The following TNFAIP8 variants were observed in gnomAD, a reference collection of about 807,000 sequenced individuals.
TNFAIP8 encodes the protein TNF alpha induced protein 8.
In TNFAIP8, 7 loss-of-function variants were observed where a neutral mutation model predicts 13.3. The observed-to-expected ratio is 0.52, with a 90% confidence interval of 0.30 to 0.99. The LOEUF is 0.99. TNFAIP8 is among the 50% of genes least tolerant of loss of function. TNFAIP8 has a pLI of 0.07. For synonymous variants in TNFAIP8, 94 were observed against 87.6 expected, an observed-to-expected ratio of 1.07 and a Z score of -0.41; for missense variants, 258 against 236.9, an observed-to-expected ratio of 1.09 and a Z score of -0.58.
At chr5:119,292,675 T>TAC (rs1749029407) in intron 1 of TNFAIP8, among the ~76,000 whole-genome samples, 1 of 36,096 alleles carries the variant, frequency 2.8e-5, no homozygotes, top group African/African-American at 7.7e-5. Context: ...TATATATATA[T>TAC]ATATATATAT....
chr5:119,317,671 T>A (rs1749939481), intron 1 of TNFAIP8, among the ~76,000 whole-genome samples: 1 of 151,830 alleles, frequency 6.6e-6, no homozygotes, highest in Non-Finnish European at 1.5e-5. Context: ...CGATTTCGGC[T>A]CACTGCAACC....
chr5:119,322,972 A>G (rs1313267262), intron 1 of TNFAIP8, among the ~76,000 whole-genome samples: 1 of 152,152 alleles, frequency 6.6e-6, no homozygotes, highest in African/African-American at 2.4e-5. Context: ...TTAGTCAATG[A>G]CCCAGGTAAC....
intron 1 of TNFAIP8, among the ~76,000 whole-genome samples, chr5:119,323,601 C>G (rs60756572): frequency 0.18 from 27,740 of 152,110 alleles, 4,784 homozygotes; most frequent in African/African-American, 0.46. Context: ...TTATAGTGCT[C>G]TGTATGTTTC....
intron 1 of TNFAIP8, among the ~76,000 whole-genome samples, chr5:119,364,089 C>T (rs750319752): frequency 6.6e-6 from 1 of 152,162 alleles, no homozygotes; most frequent in Non-Finnish European, 1.5e-5. Context: ...AAGTCATTGG[C>T]CATTGGTGAT....
At chr5:119,387,355 T>C (rs796220312) in intron 1 of TNFAIP8, among the ~76,000 whole-genome samples, 90 of 152,304 alleles carry the variant, frequency 5.9e-4, no homozygotes, top group African/African-American at 2.0e-3. Flanking sequence ...CAAATTATTA[T>C]CTTTTCTATC....
chr5:119,271,772 G>A (rs184046945), intron 1 of TNFAIP8, among the ~76,000 whole-genome samples: 2 of 152,258 alleles, frequency 1.3e-5, no homozygotes, highest in Admixed American at 1.3e-4. Flanking sequence ...GAGTTGTGTG[G>A]TGCCAGATTA....
intron 1 of TNFAIP8, among the ~76,000 whole-genome samples, chr5:119,370,487 G>A (rs1293765141): frequency 6.6e-6 from 1 of 152,208 alleles, no homozygotes; most frequent in East Asian, 1.9e-4. Context: ...GTAAATTAAA[G>A]ACCCTTTATC....
rs911907385 is a variant in TNFAIP8 at position 119,394,697 on chromosome 5, C to T, written c.*1316C>T. The T allele has an allele frequency of 6.0e-5, 9 of 149,608 alleles. 1 individual carries two copies. Among genetic ancestry groups the T allele is most frequent in the African/African-American group, 1.7e-4 (7 of 40,312 alleles). The allele number at this position is 149,608 out of a possible 1,614,324, so 9.3% of individuals were successfully genotyped here. On this transcript the variant is annotated 3_prime_UTR_variant, in exon 2 of 2. Transcript: ENST00000504771. ...TTTTGGCTCACTGCAACCTCTGCCT[C>T]CCAGGTTCAAGTGATTCTCCTGCCT... is the stretch of plus-strand genomic sequence containing the variant.
chr5:119,342,189 C>G (rs1750760276), intron 1 of TNFAIP8, among the ~76,000 whole-genome samples: 1 of 152,140 alleles, frequency 6.6e-6, no homozygotes, highest in Non-Finnish European at 1.5e-5. Flanking sequence ...AAGGTATCAC[C>G]CTTCTAATGA....
intron 1 of TNFAIP8, among the ~76,000 whole-genome samples, chr5:119,378,051 C>G (rs1468681648): frequency 6.6e-6 from 1 of 152,172 alleles, no homozygotes; most frequent in Non-Finnish European, 1.5e-5. Context: ...TTGGTCAGAT[C>G]TGATTGTTCA....
chr5:119,315,174 C>T (rs559686293), intron 1 of TNFAIP8, among the ~76,000 whole-genome samples: 5 of 152,356 alleles, frequency 3.3e-5, no homozygotes, highest in Admixed American at 2.0e-4. Flanking sequence ...GCTCCGCCTC[C>T]GGGGTTCTCA....
intron 1 of TNFAIP8, among the ~76,000 whole-genome samples, chr5:119,338,043 C>T (rs991200061): frequency 6.6e-6 from 1 of 152,042 alleles, no homozygotes; most frequent in African/African-American, 2.4e-5. Flanking sequence ...AATAATGTTC[C>T]TCCCCTTCAC....
At chr5:119,376,367 C>CA (rs944211200) in intron 1 of TNFAIP8, among the ~76,000 whole-genome samples, 12 of 152,140 alleles carry the variant, frequency 7.9e-5, no homozygotes, top group African/African-American at 2.9e-4. Context: ...GTGATCCGCC[C>CA]ACCTCAGCCT....
intron 1 of TNFAIP8, among the ~76,000 whole-genome samples, chr5:119,305,674 C>T (rs1445652818): frequency 1.3e-5 from 2 of 152,142 alleles, no homozygotes; most frequent in Admixed American, 1.3e-4. Context: ...CTACTTTTTG[C>T]ACTTTATAAA....
intron 1 of TNFAIP8, among the ~76,000 whole-genome samples, chr5:119,373,034 T>C (rs1353226241): frequency 6.6e-6 from 1 of 152,188 alleles, no homozygotes. Context: ...TTGTCCTATA[T>C]CTCTACCATG....
At chr5:119,292,645 C>CATATATATATATATAT (rs56896742) in intron 1 of TNFAIP8, among the ~76,000 whole-genome samples, 2 of 32,830 alleles carry the variant, frequency 6.1e-5, no homozygotes, top group African/African-American at 1.2e-4. Context: ...ATCAATGTAG[C>CATATATATATATATAT]ATATATATAT....
intron 1 of TNFAIP8, among the ~76,000 whole-genome samples, chr5:119,296,056 A>G (rs1461776737): frequency 6.7e-6 from 1 of 149,978 alleles, no homozygotes; most frequent in East Asian, 1.9e-4. Context: ...TAGATATACA[A>G]TCATGTCATC....
At chr5:119,357,130 C>G (rs977063045) in intron 1 of TNFAIP8, among the ~76,000 whole-genome samples, 1 of 152,188 alleles carries the variant, frequency 6.6e-6, no homozygotes, top group Non-Finnish European at 1.5e-5. Context: ...ACTGATTCCC[C>G]TCCCAGAGGA....
intron 1 of TNFAIP8, among the ~76,000 whole-genome samples, chr5:119,314,128 A>C (rs1252390668): frequency 1.3e-5 from 2 of 152,202 alleles, no homozygotes; most frequent in Non-Finnish European, 2.9e-5. Flanking sequence ...GAGCCCAGGA[A>C]TTCGCATCTA....
Sources: allele counts gnomAD v4.1 joint callset (sites outside exome capture counted in the v4.1 genomes callset), GRCh38; gene constraint gnomAD v4.1.1; transcripts MANE v1.5; gene names NCBI Gene and HGNC (gene_info 2026-07-23, HGNC 2026-07-21).